Variants in ANK3 observed in about 807,000 individuals in gnomAD.
ANK3 encodes ankyrin-3.
ANK3 carries 57 observed loss-of-function variants against 370.9 expected under a neutral mutation model. The observed-to-expected ratio is 0.15, with a 90% CI of 0.12 to 0.19. The LOEUF (loss-of-function observed/expected upper bound fraction) is 0.19, where lower values mean the gene tolerates loss of function less well. Ranked by LOEUF, ANK3 falls within the 10% of genes least tolerant of loss-of-function variation. The pLI is 1.00. For missense variants in ANK3, 4,439 were observed against 5,302.1 expected (o/e 0.84, Z 5.06); for synonymous variants, 1,929 against 1,946.3 (o/e 0.99, Z 0.23).
intron 2 of ANK3, among the ~76,000 whole-genome samples, chr10:60,567,901 A>G (rs2077501311): frequency 6.6e-6 from 1 of 152,204 alleles, no homozygotes; most frequent in Admixed American, 6.5e-5. Flanking sequence ...CAAGAGAGCT[A>G]GAAACCTGAA....
At position 60,086,753 on chromosome 10, in the gene ANK3, C is replaced by T. The variant is rs11553750; in HGVS notation, c.3672G>A (p.Pro1224=). ...KPITMTIPVP[P]PSGEGVSNGY... is the part of the protein sequence containing the mutation. ...CATTGGATACACCTTCTCCTGAGGG[C>T]GGGGGCACCGGAATGGTCATTGTGA... is the stretch of plus-strand genomic sequence containing the variant. Residue 1224 remains proline (P), a synonymous_variant, in exon 30 of 44, where the codon CCG becomes CCA. Transcript: ENST00000280772. The T allele has an allele frequency of 7.1e-5, 114 of 1,613,856 alleles. No individual in the cohort carries two copies. The highest frequency in any genetic ancestry group is 4.9e-4 in the Middle Eastern group (3 of 6,062).
At chr10:60,674,002 A>C (rs1037408756) in intron 1 of ANK3, among the ~76,000 whole-genome samples, 2 of 152,192 alleles carry the variant, frequency 1.3e-5, no homozygotes, top group Admixed American at 6.5e-5. Flanking sequence ...GAAGCAGTAC[A>C]TGAGTTTGGG....
At chr10:60,427,503 G>T (rs1226968363) in intron 2 of ANK3, among the ~76,000 whole-genome samples, 1 of 151,656 alleles carries the variant, frequency 6.6e-6, no homozygotes, top group Admixed American at 6.6e-5. Flanking sequence ...TAGGTCTCAT[G>T]ACAGAATATA....
chr10:60,697,237 C>T (rs1249551565), intron 1 of ANK3, among the ~76,000 whole-genome samples: 8 of 149,532 alleles, frequency 5.4e-5, no homozygotes, highest in African/African-American at 1.5e-4. Context: ...CAAACCACTG[C>T]TCAAGGAAAT....
chr10:60,244,614 A>G (rs2097525626), intron 7 of ANK3, among the ~76,000 whole-genome samples: 1 of 151,940 alleles, frequency 6.6e-6, no homozygotes, highest in African/African-American at 2.4e-5. Flanking sequence ...ACATTTTAAG[A>G]TTTTTATGTT....
chr10:60,291,072 A>G (rs139858100), intron 1 of ANK3, among the ~76,000 whole-genome samples: 3 of 152,284 alleles, frequency 2.0e-5, no homozygotes, highest in Non-Finnish European at 2.9e-5. Context: ...GATTAGCAAC[A>G]AAAACAAATA....
rs142137869 is a variant in ANK3 at position 60,538,968 on chromosome 10, C to T, written c.96+76218G>A. Among the ~76,000 whole-genome samples the T allele has an allele frequency of 4.0e-5, 6 of 151,894 alleles. No homozygotes were observed. The South Asian group carries it at 6.2e-4, about 16-fold the overall frequency. On this transcript the variant is annotated intron_variant, in intron 2 of 43. Coordinates refer to the ANK3 transcript ENST00000373827. ...ATTTCACTGACCCAAGCTGTTTCCA[C>T]GAAGTTCTTTAAACATAGCGCACAG...
intron 1 of ANK3, among the ~76,000 whole-genome samples, chr10:60,324,186 G>C (rs1353452031): frequency 6.6e-6 from 1 of 152,218 alleles, no homozygotes; most frequent in Non-Finnish European, 1.5e-5. Context: ...TGATGTCCTA[G>C]AGTTGGCAAG....
chr10:60,196,563 C>T lies in ANK3; in HGVS notation c.1752G>A (p.Leu584=). The change falls in exon 15 of 44, where the codon CTG becomes CTA. Residue 584 remains leucine, a synonymous_variant. Coordinates refer to ENST00000280772, the MANE Select transcript of ANK3 (RefSeq NM_020987.5). ...KYGKLEVANL[L]LQKSASPDAA... ...CATCTGGAGATGCACTTTTCTGTAG[C>T]AGGAGATTGGCGACTTCAAGCTTTC... 1 of 1,612,478 alleles carries T rather than the reference C, an allele frequency of 6.2e-7. No individual in the cohort carries two copies. Among genetic ancestry groups the T allele is most frequent in the Non-Finnish European group, 8.5e-7 (1 of 1,179,714 alleles).
intron 2 of ANK3, among the ~76,000 whole-genome samples, chr10:60,459,385 T>C (rs1297354243): frequency 6.6e-6 from 1 of 152,200 alleles, no homozygotes; most frequent in African/African-American, 2.4e-5. Context: ...CTGGTTCCTG[T>C]ACTAACTAGG....
intron 2 of ANK3, among the ~76,000 whole-genome samples, chr10:60,531,855 T>C (rs999594346): frequency 8.5e-5 from 13 of 152,088 alleles, no homozygotes; most frequent in African/African-American, 3.1e-4. Flanking sequence ...ATTTCAGACC[T>C]CTTGAAAAGA....
At chr10:60,348,347 CAAAAAAAA>C (rs35147179) in intron 1 of ANK3, among the ~76,000 whole-genome samples, 29 of 68,162 alleles carry the variant, frequency 4.3e-4, no homozygotes, top group Admixed American at 2.1e-3. Flanking sequence ...TATCACTAGC[CAAAAAAAA>C]AAAAAAAAAA....
chr10:60,316,950 G>A (rs998111857), intron 1 of ANK3, among the ~76,000 whole-genome samples: 13 of 152,048 alleles, frequency 8.5e-5, no homozygotes, highest in Admixed American at 7.9e-4. Context: ...GTTTCACCGT[G>A]TTAGCCAGGA....
chr10:60,034,252 G>T (rs749033016), intron 43 of ANK3, among the ~76,000 whole-genome samples: 15 of 151,850 alleles, frequency 9.9e-5, no homozygotes, highest in Non-Finnish European at 2.1e-4. Flanking sequence ...GATTAAAGGC[G>T]CCCACCACCA....
chr10:60,083,375 T>C lies in ANK3; in HGVS notation c.4200+117A>G, dbSNP rs2085780248. 1.2e-5 allele frequency: 13 copies of C among 1,104,482 alleles called. No individual in the cohort carries two copies. The South Asian group carries it at 1.5e-4, about 13-fold the overall frequency. The allele number at this position is 1,104,482 out of a possible 1,614,324, so 68.4% of individuals were successfully genotyped here. A position where few individuals can be genotyped will look rare whatever the true frequency, so the allele number is the denominator to read the frequency against. ...AGAACCAGAACAAAATCTGACCTTATGAGTTCAGATTTGACGGGGTATTTC... is the reference window on the plus strand; with the variant it reads ...AGAACCAGAACAAAATCTGACCTTACGAGTTCAGATTTGACGGGGTATTTC... On this transcript the variant is annotated intron_variant, in intron 33 of 43. Coordinates refer to ENST00000280772, the MANE Select transcript of ANK3 (RefSeq NM_020987.5).
At position 60,693,315 on chromosome 10, in the gene ANK3, G is replaced by A. The variant is rs566931339; in HGVS notation, c.57+39948C>T. Among the ~76,000 whole-genome samples, 37 of 152,334 alleles carry A rather than the reference G, an allele frequency of 2.4e-4. 1 individual carries two copies. In the East Asian group the frequency reaches 7.0e-3, roughly 29 times the overall value. ...GATCAAACTGCAAGGCAGCAGTGAG[G>A]CTGGGGGAGGGGCGCCCGCCATTGC... On this transcript the variant is annotated intron_variant, in intron 1 of 43. Transcript: ENST00000373827.
chr10:60,179,424 G>A (rs1777817581), intron 18 of ANK3, among the ~76,000 whole-genome samples: 1 of 152,234 alleles, frequency 6.6e-6, no homozygotes, highest in African/African-American at 2.4e-5. Flanking sequence ...GCCGGGAACG[G>A]TGGCTCATGC....
intron 2 of ANK3, chr10:60,507,448 A>T (rs909333804): frequency 2.0e-5 from 3 of 152,114 alleles, no homozygotes; most frequent in Admixed American, 2.0e-4. Flanking sequence ...TTTATCCCAG[A>T]TGAAGCTATA....
At chr10:60,415,916 G>GCCCCCCCTC (rs202007204) in intron 2 of ANK3, among the ~76,000 whole-genome samples, 1 of 81,190 alleles carries the variant, frequency 1.2e-5, no homozygotes. Flanking sequence ...CTGAATTTGT[G>GCCCCCCCTC]CCCCCCACCC....
Sources: gnomAD v4.1 joint callset for allele counts (sites outside exome capture counted in the v4.1 genomes callset) on GRCh38, gnomAD v4.1.1 for gene constraint, MANE v1.5 for transcripts, NCBI Gene and HGNC (gene_info 2026-07-23, HGNC 2026-07-21) for gene names.